The following KCNK9 variants were observed in gnomAD, a reference collection of about 807,000 sequenced individuals.
KCNK9 encodes the protein potassium two pore domain channel subfamily K member 9.
KCNK9 carries 1 observed loss-of-function variant against 10.8 expected under a neutral mutation model. That is an observed-to-expected ratio of 0.09 (90% confidence interval 0.03 to 0.44). The LOEUF is 0.44. KCNK9 is among the 20% of genes least tolerant of loss of function. The pLI, the probability that KCNK9 is intolerant of heterozygous loss-of-function variation, is 0.97. For synonymous variants in KCNK9, 231 were observed against 222.7 expected, an observed-to-expected ratio of 1.04 and a Z score of -0.33; for missense variants, 303 against 515.0, an observed-to-expected ratio of 0.59 and a Z score of 3.98.
intron 1 of KCNK9, among the ~76,000 whole-genome samples, chr8:139,695,104 T>G (rs1817019915): frequency 6.6e-6 from 1 of 152,234 alleles, no homozygotes; most frequent in Non-Finnish European, 1.5e-5. Context: ...TAATTCTACT[T>G]TGTGCTCAGG....
At position 139,644,720 on chromosome 8, in the gene KCNK9, C is replaced by G. The variant is rs1215516371; in HGVS notation, c.284-25621G>C. Reference sequence around the variant, plus strand: ...CCTGGGGTGCTCCTGCCCTGTCCCCCCCCCCCAGAGCCTCCCACTGCCCTC... The same window carrying G: ...CCTGGGGTGCTCCTGCCCTGTCCCCGCCCCCCAGAGCCTCCCACTGCCCTC... On this transcript the variant is annotated intron_variant, in intron 1 of 1. Coordinates refer to ENST00000520439, the MANE Select transcript of KCNK9 (RefSeq NM_001282534.2). Among the ~76,000 whole-genome samples the G allele has an allele frequency of 3.3e-5, 5 of 150,822 alleles. No homozygotes were observed. In the East Asian group the frequency reaches 9.7e-4, roughly 29 times the overall value.
chr8:139,696,424 T>C (rs1817053125), intron 1 of KCNK9, among the ~76,000 whole-genome samples: 1 of 152,204 alleles, frequency 6.6e-6, no homozygotes, highest in South Asian at 2.1e-4. Context: ...TGGCTCACCA[T>C]TTGCAGGAAG....
chr8:139,678,631 G>A (rs1176023289), intron 1 of KCNK9, among the ~76,000 whole-genome samples: 1 of 152,240 alleles, frequency 6.6e-6, no homozygotes, highest in East Asian at 1.9e-4. Context: ...CAGCCTCATA[G>A]CGCTGATAGA....
downstream of KCNK9, chr8:139,611,672 C>T (rs913381599): frequency 1.2e-4 from 19 of 152,270 alleles, no homozygotes; most frequent in African/African-American, 4.3e-4. Flanking sequence ...CTGTACCGGC[C>T]TTATGAGAAA....
At chr8:139,670,787 T>C (rs1461860289) in intron 1 of KCNK9, among the ~76,000 whole-genome samples, 2 of 152,246 alleles carry the variant, frequency 1.3e-5, no homozygotes, top group Non-Finnish European at 2.9e-5. Flanking sequence ...TTATGTATTA[T>C]TGATGTGATT....
intron 1 of KCNK9, among the ~76,000 whole-genome samples, chr8:139,700,162 A>G (rs1332232525): frequency 6.6e-6 from 1 of 152,222 alleles, no homozygotes; most frequent in Non-Finnish European, 1.5e-5. Flanking sequence ...ACAGCTTCTT[A>G]GGGCAGAGAG....
intron 1 of KCNK9, among the ~76,000 whole-genome samples, chr8:139,681,171 A>G (rs1264939563): frequency 6.6e-6 from 1 of 152,178 alleles, no homozygotes; most frequent in Non-Finnish European, 1.5e-5. Context: ...CCTCACAAAA[A>G]TCTCCAGAAG....
rs535935368 is a variant in KCNK9, at chr8:139,648,900, C to T, written c.284-29801G>A. Among the ~76,000 whole-genome samples, 5 of 152,312 alleles carry T rather than the reference C, an allele frequency of 3.3e-5. No homozygotes were observed. The South Asian group carries it at 1.0e-3, about 32-fold the overall frequency. ...GCCTTTCCTGGATTTTAACCTGCAG[C>T]TTACATTTTCCCTGTGACAGGTAAT... On this transcript the variant is annotated intron_variant, in intron 1 of 1. Coordinates refer to ENST00000520439, the MANE Select transcript of KCNK9 (RefSeq NM_001282534.2).
intron 1 of KCNK9, among the ~76,000 whole-genome samples, chr8:139,651,567 A>G (rs942208233): frequency 6.6e-6 from 1 of 152,160 alleles, no homozygotes; most frequent in African/African-American, 2.4e-5. Flanking sequence ...CCCTGCAACA[A>G]CTATTGTGCT....
chr8:139,612,850 A>G (rs1437205959), downstream of KCNK9, among the ~76,000 whole-genome samples: 1 of 152,136 alleles, frequency 6.6e-6, no homozygotes, highest in Non-Finnish European at 1.5e-5. Context: ...AGAGGAGATC[A>G]CAGGGCATTA....
chr8:139,646,075 T>C (rs1291847591), intron 1 of KCNK9, among the ~76,000 whole-genome samples: 1 of 152,100 alleles, frequency 6.6e-6, no homozygotes, highest in Non-Finnish European at 1.5e-5. Flanking sequence ...GACCAGTGGC[T>C]TGCTTTCCCA....
chr8:139,617,771 A>C lies in KCNK9; in HGVS notation c.*487T>G, dbSNP rs1428943813. ...TTGTCACGACACACGTGCACACAGAAGCACACACACAACACACACACAGTC... is the reference window on the plus strand; with the variant it reads ...TTGTCACGACACACGTGCACACAGACGCACACACACAACACACACACAGTC... On this transcript the variant is annotated 3_prime_UTR_variant, in exon 2 of 2. Transcript: ENST00000520439. Among the ~76,000 whole-genome samples, 1 of 152,200 alleles carries C rather than the reference A, an allele frequency of 6.6e-6. No individual in the cohort carries two copies. Among genetic ancestry groups the C allele is most frequent in the Non-Finnish European group, 1.5e-5 (1 of 68,044 alleles).
chr8:139,680,900 C>T (rs551397962), intron 1 of KCNK9, among the ~76,000 whole-genome samples: 16 of 152,310 alleles, frequency 1.1e-4, no homozygotes, highest in Non-Finnish European at 2.1e-4. Flanking sequence ...TCCTGCCCAG[C>T]AGCCTGGGGC....
intron 1 of KCNK9, among the ~76,000 whole-genome samples, chr8:139,620,460 G>A (rs150554492): frequency 4.6e-5 from 7 of 152,148 alleles, no homozygotes; most frequent in South Asian, 2.1e-4. Flanking sequence ...AGACAGCTCC[G>A]AGCCAAGAGT....
At chr8:139,653,181 C>T (rs532838665) in intron 1 of KCNK9, among the ~76,000 whole-genome samples, 27 of 152,286 alleles carry the variant, frequency 1.8e-4, no homozygotes, top group South Asian at 6.2e-4. Context: ...CCCTGTCAGC[C>T]TCTGGTTCCA....
chr8:139,665,738 C>T (rs1424074454), intron 1 of KCNK9, among the ~76,000 whole-genome samples: 1 of 152,214 alleles, frequency 6.6e-6, no homozygotes, highest in Non-Finnish European at 1.5e-5. Context: ...CACCCCACAG[C>T]CTGCTGTCCA....
chr8:139,644,563 G>A (rs1488407466), intron 1 of KCNK9, among the ~76,000 whole-genome samples: 2 of 152,186 alleles, frequency 1.3e-5, no homozygotes. Context: ...ACCCTAAGGT[G>A]GGTGTCACTT....
intron 1 of KCNK9, among the ~76,000 whole-genome samples, chr8:139,659,503 G>C (rs182542842): frequency 6.6e-6 from 1 of 152,076 alleles, no homozygotes; most frequent in Admixed American, 6.5e-5. Context: ...GAAAGATCTC[G>C]AGGATTTTAT....
chr8:139,622,592 T>C (rs1476683033), intron 1 of KCNK9, among the ~76,000 whole-genome samples: 1 of 152,194 alleles, frequency 6.6e-6, no homozygotes, highest in Admixed American at 6.5e-5. Context: ...CCACTGGTGC[T>C]CCACATACCC....
Sources: allele counts gnomAD v4.1 joint callset (sites outside exome capture counted in the v4.1 genomes callset), GRCh38; gene constraint gnomAD v4.1.1; transcripts MANE v1.5; gene names NCBI Gene and HGNC (gene_info 2026-07-23, HGNC 2026-07-21).